PDE11A: variants seen among roughly 807,000 people sequenced by gnomAD.
The protein encoded by PDE11A is phosphodiesterase 11A, also known as dual 3',5'-cyclic-AMP and -GMP phosphodiesterase 11A.
PDE11A carries 100 observed loss-of-function variants against 100.5 expected under a neutral mutation model. The observed-to-expected ratio is 1.00, with a 90% CI of 0.85 to 1.18. The LOEUF (loss-of-function observed/expected upper bound fraction) is 1.18, where lower values mean the gene tolerates loss of function less well. Among genes scored for constraint, PDE11A ranks in the 50% most tolerant of loss-of-function variants. The pLI is 0.00. For synonymous variants in PDE11A, 381 were observed against 420.8 expected (o/e 0.91, Z 1.16); for missense variants, 1,141 against 1,152.6 (o/e 0.99, Z 0.15).
chr2:178,014,585 A>G (rs917319861), intron 1 of PDE11A, 125 bp from the exon 2 acceptor site: 1 of 742,650 alleles, frequency 1.3e-6, no homozygotes, highest in Non-Finnish European at 2.4e-6. Flanking sequence ...TTTAATCACA[A>G]TAACAGATTT....
chr2:177,959,348 A>G (rs994671347), intron 2 of PDE11A, among the ~76,000 whole-genome samples: 1 of 152,316 alleles, frequency 6.6e-6, no homozygotes. Context: ...ATACAGTGCC[A>G]AAAGTGCCCG....
At chr2:177,746,096 T>C (rs2081944058) in intron 10 of PDE11A, among the ~76,000 whole-genome samples, 1 of 152,004 alleles carries the variant, frequency 6.6e-6, no homozygotes, top group African/African-American at 2.4e-5. Context: ...CAGACAGAAA[T>C]AGAGCTGCTG....
intron 2 of PDE11A, among the ~76,000 whole-genome samples, chr2:178,009,329 A>G (rs72949750): frequency 1.3e-5 from 2 of 152,338 alleles, no homozygotes; most frequent in Non-Finnish European, 1.5e-5. Context: ...CACAAAGTGA[A>G]CCAGAAAATT....
chr2:177,936,428 A>G (rs1480629427), intron 2 of PDE11A, among the ~76,000 whole-genome samples: 1 of 152,200 alleles, frequency 6.6e-6, no homozygotes, highest in East Asian at 1.9e-4. Flanking sequence ...CAAGGCCAGA[A>G]AGCCACCCCT....
In PDE11A at chr2:177,679,016, A is replaced by G. The variant is rs555651309; in HGVS notation, c.2423+1810T>C. On this transcript the variant is annotated intron_variant, in intron 16 of 19. Transcript: ENST00000286063. ...AAGGGCTAGAAAAGACTAAGAAGGAAAGAGTCAGAAATAAAGGAGAGAATC... is the reference window on the plus strand; with the variant it reads ...AAGGGCTAGAAAAGACTAAGAAGGAGAGAGTCAGAAATAAAGGAGAGAATC... 7.3e-4 allele frequency among the ~76,000 whole-genome samples: 110 copies of G among 151,702 alleles called. 3 individuals carry two copies. In the South Asian group the frequency reaches 0.021, roughly 29 times the overall value.
intron 10 of PDE11A, among the ~76,000 whole-genome samples, chr2:177,740,480 A>G (rs180725046): frequency 1.2e-3 from 177 of 152,290 alleles, no homozygotes; most frequent in African/African-American, 4.2e-3. Context: ...CAACAACCCC[A>G]TGGGTAAGAT....
intron 2 of PDE11A, among the ~76,000 whole-genome samples, chr2:177,960,131 C>T (rs900937048): frequency 7.9e-5 from 12 of 151,796 alleles, no homozygotes; most frequent in Non-Finnish European, 1.8e-4. Context: ...ATTTCCCCGT[C>T]GCTTAAAGTT....
chr2:178,100,686 T>C (rs1017365384), intron 2 of PDE11A, among the ~76,000 whole-genome samples: 3 of 152,214 alleles, frequency 2.0e-5, no homozygotes, highest in Non-Finnish European at 4.4e-5. Context: ...TAATCCAATT[T>C]AGGGAAATTT....
At chr2:177,761,627 A>C (rs1187311996) in intron 10 of PDE11A, among the ~76,000 whole-genome samples, 1 of 152,234 alleles carries the variant, frequency 6.6e-6, no homozygotes, top group Non-Finnish European at 1.5e-5. Context: ...TGAGAAGGTC[A>C]CTTTTGACTG....
intron 2 of PDE11A, among the ~76,000 whole-genome samples, chr2:177,996,726 C>T (rs1406832134): frequency 1.3e-5 from 2 of 152,094 alleles, no homozygotes; most frequent in Non-Finnish European, 1.5e-5. Context: ...TGCCTAGCAG[C>T]TTTATTAAAC....
intron 2 of PDE11A, among the ~76,000 whole-genome samples, chr2:178,095,530 C>A (rs750255999): frequency 5.3e-4 from 80 of 152,206 alleles, no homozygotes; most frequent in Non-Finnish European, 8.5e-4. Flanking sequence ...AACAGGCACA[C>A]ATGCAAGCTG....
intron 2 of PDE11A, among the ~76,000 whole-genome samples, chr2:178,090,791 G>A (rs540781809): frequency 6.6e-6 from 1 of 152,318 alleles, no homozygotes; most frequent in South Asian, 2.1e-4. Context: ...CCCTACAGAT[G>A]TCTCTGCCCT....
At chr2:178,108,044 TG>T (rs1443402876) in intron 1 of PDE11A, among the ~76,000 whole-genome samples, 1 of 152,202 alleles carries the variant, frequency 6.6e-6, no homozygotes, top group Non-Finnish European at 1.5e-5. Context: ...AAGGGTGACT[TG>T]GCAACCCTGT....
At chr2:177,929,681 G>C in intron 2 of PDE11A, among the ~76,000 whole-genome samples, 1 of 152,144 alleles carries the variant, frequency 6.6e-6, no homozygotes, top group East Asian at 1.9e-4. Flanking sequence ...GGGTGAATGT[G>C]GGGGTGTGGG....
At chr2:177,641,426 C>CAAAA (rs3056858) in intron 19 of PDE11A, among the ~76,000 whole-genome samples, 10,528 of 135,838 alleles carry the variant, frequency 0.078, 547 homozygotes, top group East Asian at 0.19. Flanking sequence ...TTTACTGAGT[C>CAAAA]AAAAAAAAAA....
chr2:178,018,952 A>G (rs2086373906), intron 1 of PDE11A, among the ~76,000 whole-genome samples: 1 of 152,234 alleles, frequency 6.6e-6, no homozygotes, highest in Non-Finnish European at 1.5e-5. Flanking sequence ...TCCCAGAATC[A>G]GAGTATAACT....
chr2:177,664,250 G>A lies in PDE11A; in HGVS notation c.2563-301C>T, dbSNP rs1026489479. 4.6e-5 allele frequency among the ~76,000 whole-genome samples: 7 copies of A among 152,248 alleles called. No homozygotes were observed. In the South Asian group the frequency reaches 6.2e-4, roughly 14 times the overall value. The stretch of plus-strand genomic sequence containing the variant: ...CTAAATCAAGTCATCAGGTCACTGC[G>A]AATTGGGTACAGGTCAAGGGGAAAG... On this transcript the variant is annotated intron_variant, in intron 18 of 19. Coordinates refer to ENST00000286063, the MANE Select transcript of PDE11A (RefSeq NM_016953.4).
At chr2:177,932,713 G>T (rs2085222287) in intron 2 of PDE11A, among the ~76,000 whole-genome samples, 2 of 151,838 alleles carry the variant, frequency 1.3e-5, no homozygotes, top group Non-Finnish European at 2.9e-5. Flanking sequence ...ACATCATACT[G>T]AACAGGCAAA....
At chr2:177,827,831 C>T (rs776186102) in intron 6 of PDE11A, among the ~76,000 whole-genome samples, 1 of 152,184 alleles carries the variant, frequency 6.6e-6, no homozygotes, top group African/African-American at 2.4e-5. Flanking sequence ...TCACCTAATA[C>T]AAGAGGCGGT....
Sources: gnomAD v4.1 joint callset for allele counts (sites outside exome capture counted in the v4.1 genomes callset) on GRCh38, gnomAD v4.1.1 for gene constraint, MANE v1.5 for transcripts, NCBI Gene and HGNC (gene_info 2026-07-23, HGNC 2026-07-21) for gene names.